The following CCNK variants were observed in gnomAD, a reference collection of about 807,000 sequenced individuals.
CCNK encodes cyclin-K.
A neutral mutation model predicts 65.0 loss-of-function variants in CCNK; 9 were observed. The ratio of observed to expected loss-of-function variants is 0.14; its 90% CI spans 0.08 to 0.24. The LOEUF is 0.24. Ranked by LOEUF, CCNK falls within the 10% of genes least tolerant of loss-of-function variation. CCNK has a pLI of 1.00. For synonymous variants in CCNK, 279 were observed against 270.8 expected (o/e 1.03, Z -0.30); for missense variants, 474 against 720.0 (o/e 0.66, Z 3.91).
chr14:99,488,370 A>C (rs973324811), intron 1 of CCNK, among the ~76,000 whole-genome samples: 3 of 151,868 alleles, frequency 2.0e-5, no homozygotes, highest in African/African-American at 7.3e-5. Context: ...ACAGTCTCTC[A>C]AAATGTTTTT....
chr14:99,481,799 C>T (rs1896334605), intron 1 of CCNK, among the ~76,000 whole-genome samples: 1 of 152,192 alleles, frequency 6.6e-6, no homozygotes, highest in African/African-American at 2.4e-5. Flanking sequence ...GTGTTAACCG[C>T]GCACAGTCTC....
At position 99,510,722 on chromosome 14, in the gene CCNK, C is replaced by T. The variant is rs769474739; in HGVS notation, c.1683C>T (p.Pro561=). Residue 561 remains proline, a synonymous_variant, in exon 11 of 11, where the codon CCC becomes CCT. Coordinates refer to ENST00000389879, the MANE Select transcript of CCNK (RefSeq NM_001099402.2). Reference sequence around the variant, plus strand: ...GAGGACAGCCTCCTGTGCCCCCGCCCATTCCCCCACCCGGCATGCCTCCAG... The same window carrying T: ...GAGGACAGCCTCCTGTGCCCCCGCCTATTCCCCCACCCGGCATGCCTCCAG... ...PPGGQPPVPP[P]IPPPGMPPVG... 5 of 1,433,400 alleles carry T rather than the reference C, an allele frequency of 3.5e-6. No homozygotes were observed. Among genetic ancestry groups the T allele is most frequent in the Non-Finnish European group, 4.6e-6 (5 of 1,092,750 alleles). The allele number at this position is 1,433,400 out of a possible 1,614,324, so 88.8% of individuals were successfully genotyped here.
At chr14:99,507,557 G>C (rs766564982) in intron 10 of CCNK, 1 of 170,274 alleles carries the variant, frequency 5.9e-6, no homozygotes, top group African/African-American at 2.4e-5. Flanking sequence ...GAGGGAGACC[G>C]TGTCTCAAAG....
In CCNK at chr14:99,510,248, T is replaced by TCCGGCCCAC. The variant is rs1897088864; in HGVS notation, c.1217_1225dup (p.His406_Ala408dup). On this transcript the variant is annotated inframe_insertion, in exon 11 of 11. Coordinates refer to ENST00000389879, the MANE Select transcript of CCNK (RefSeq NM_001099402.2). ...ACCTCCCCAAAGTCCAGATTCCCCC[T>TCCGGCCCAC]CCGGCCCACCCGGCCCCTGTGCACC... The TCCGGCCCAC allele has an allele frequency of 3.9e-6, 6 of 1,546,710 alleles. No individual in the cohort carries two copies. Among genetic ancestry groups the TCCGGCCCAC allele is most frequent in the African/African-American group, 3.0e-5 (2 of 66,754 alleles).
intron 4 of CCNK, among the ~76,000 whole-genome samples, chr14:99,500,025 GC>G (rs1896785398): frequency 6.6e-6 from 1 of 152,202 alleles, no homozygotes; most frequent in African/African-American, 2.4e-5. Flanking sequence ...TAATACTGGA[GC>G]TATTGTATCC....
intron 4 of CCNK, among the ~76,000 whole-genome samples, chr14:99,499,230 G>A (rs1242258691): frequency 1.3e-5 from 2 of 152,140 alleles, no homozygotes; most frequent in Admixed American, 1.3e-4. Flanking sequence ...TAGAGGTGGG[G>A]TTTCAGCATG....
intron 1 of CCNK, among the ~76,000 whole-genome samples, chr14:99,490,406 T>C (rs867029494): frequency 6.6e-6 from 1 of 152,220 alleles, no homozygotes. Context: ...ACCATGGTTA[T>C]GGAAGATGTT....
intron 1 of CCNK, 199 bp from the exon 2 acceptor site, chr14:99,492,427 A>G (rs1334985398): frequency 2.5e-6 from 1 of 399,304 alleles, no homozygotes; most frequent in Non-Finnish European, 4.4e-6. Context: ...ATGAAATTTG[A>G]GATTTATTAA....
intron 1 of CCNK, chr14:99,492,416 C>T: frequency 2.6e-6 from 1 of 377,462 alleles, no homozygotes; most frequent in Non-Finnish European, 4.7e-6. Flanking sequence ...TTTAAACTAC[C>T]ATGAAATTTG....
At chr14:99,493,093 A>G (rs1445647044) in intron 2 of CCNK, 1 of 522,214 alleles carries the variant, frequency 1.9e-6, no homozygotes, top group Non-Finnish European at 3.3e-6. Flanking sequence ...CCAGGAGGAT[A>G]TGAGGCACCC....
intron 4 of CCNK, among the ~76,000 whole-genome samples, chr14:99,496,391 C>T (rs984658540): frequency 2.6e-5 from 4 of 152,188 alleles, no homozygotes. Context: ...GCCTAGCCAA[C>T]ATAGCGAAAC....
chr14:99,488,891 C>T (rs1595305474), intron 1 of CCNK, among the ~76,000 whole-genome samples: 1 of 151,408 alleles, frequency 6.6e-6, no homozygotes, highest in Middle Eastern at 3.5e-3. Context: ...CCAGTGGGCA[C>T]CCATCATGGT....
intron 7 of CCNK, 50 bp downstream of exon 7, chr14:99,502,426 T>G (rs759968204): frequency 1.9e-6 from 3 of 1,589,416 alleles, no homozygotes; most frequent in Non-Finnish European, 2.6e-6. Context: ...GTTGAGATGA[T>G]TCTTCCATGT....
At chr14:99,498,356 CCT>C (rs1242451087) in intron 4 of CCNK, among the ~76,000 whole-genome samples, 2 of 152,132 alleles carry the variant, frequency 1.3e-5, no homozygotes. Flanking sequence ...CTGCCCCCTG[CCT>C]CTCTATCTCG....
intron 1 of CCNK, among the ~76,000 whole-genome samples, chr14:99,482,933 C>A (rs1033004920): frequency 6.6e-6 from 1 of 152,134 alleles, no homozygotes; most frequent in Non-Finnish European, 1.5e-5. Context: ...ACAAAAAAAT[C>A]TAGAGGAATT....
At chr14:99,501,583 G>A (rs1162831535) in intron 6 of CCNK, 170 bp downstream of exon 6, 2 of 584,190 alleles carry the variant, frequency 3.4e-6, no homozygotes, top group Non-Finnish European at 3.0e-6. Flanking sequence ...CTGCTTCCCG[G>A]CAGAGGGTTT....
chr14:99,493,165 G>C (rs1046442417), intron 2 of CCNK: 1 of 441,902 alleles, frequency 2.3e-6, no homozygotes, highest in Admixed American at 4.1e-5. Context: ...CACTTTGGGA[G>C]GCCTAGACAG....
Position 99,501,426 on chromosome 14 carries a change from A to C in CCNK, c.575+13A>C. The C allele has an allele frequency of 6.5e-7, 1 of 1,537,652 alleles. No homozygotes were observed. The highest frequency in any genetic ancestry group is 1.1e-5 in the South Asian group (1 of 89,072). On this transcript the variant is annotated intron_variant, in intron 6 of 10. Coordinates refer to ENST00000389879, the MANE Select transcript of CCNK (RefSeq NM_001099402.2). ...TTGTAAATGACAGGTATACATGTTCAAATGTTGATTAATTACAGTATTTTA... is the reference window on the plus strand; with the variant it reads ...TTGTAAATGACAGGTATACATGTTCCAATGTTGATTAATTACAGTATTTTA...
At chr14:99,510,028 G>A (rs960082558) in intron 10 of CCNK, 129 bp from the exon 11 acceptor site, 31 of 879,276 alleles carry the variant, frequency 3.5e-5, no homozygotes, top group South Asian at 7.0e-5. Flanking sequence ...GGGCCCATGC[G>A]TTGGGCCACA....
Sources: gnomAD v4.1 joint callset for allele counts (sites outside exome capture counted in the v4.1 genomes callset) on GRCh38, gnomAD v4.1.1 for gene constraint, MANE v1.5 for transcripts, NCBI Gene and HGNC (gene_info 2026-07-23, HGNC 2026-07-21) for gene names.